HOGA1: variants seen among roughly 807,000 people sequenced by gnomAD.
HOGA1 encodes 4-hydroxy-2-oxoglutarate aldolase 1, also known as 4-hydroxy-2-oxoglutarate aldolase, mitochondrial.
HOGA1 carries 30 observed loss-of-function variants against 34.3 expected under a neutral mutation model. The ratio of observed to expected loss-of-function variants is 0.87; its 90% CI spans 0.65 to 1.19. The LOEUF (loss-of-function observed/expected upper bound fraction) is 1.19, where lower values mean the gene tolerates loss of function less well. Among genes scored for constraint, HOGA1 ranks in the 50% most tolerant of loss-of-function variants. The probability of loss-of-function intolerance (pLI) is 0.00; values close to 1 mark genes in which losing one functional copy is unlikely to be tolerated. For synonymous variants in HOGA1, 161 were observed against 174.0 expected, an observed-to-expected ratio of 0.93 and a Z score of 0.59; for missense variants, 417 against 436.5, an observed-to-expected ratio of 0.96 and a Z score of 0.40.
intron 6 of HOGA1, among the ~76,000 whole-genome samples, chr10:97,610,092 T>A (rs908831726): frequency 6.6e-6 from 1 of 152,240 alleles, no homozygotes; most frequent in African/African-American, 2.4e-5. Flanking sequence ...ATATTTCTGA[T>A]CAGCATGAAA....
intron 1 of HOGA1, 28 bp from the exon 2 acceptor site, chr10:97,598,747 A>G: frequency 6.2e-7 from 1 of 1,614,118 alleles, no homozygotes; most frequent in Middle Eastern, 1.6e-4. Flanking sequence ...GAGGATGGGA[A>G]GGAGTTAGTC....
intron 1 of HOGA1, among the ~76,000 whole-genome samples, chr10:97,591,288 A>G (rs918580694): frequency 1.3e-5 from 2 of 152,104 alleles, no homozygotes; most frequent in African/African-American, 4.8e-5. Context: ...GTGGCATCCT[A>G]CAAGGCAGTT....
In HOGA1 at chr10:97,585,347, C is replaced by T. The variant is rs572183181; in HGVS notation, c.211+433C>T. Among the ~76,000 whole-genome samples, 104 of 152,280 alleles carry T rather than the reference C, an allele frequency of 6.8e-4. 1 individual carries two copies. Among genetic ancestry groups the T allele is most frequent in the African/African-American group, 2.4e-3 (101 of 41,548 alleles). ...TTCTCTTCTGGACAAAGCCTCCTTGCCAGAATTAGTTCTCCTGTGACCCCT... is the reference window on the plus strand; with the variant it reads ...TTCTCTTCTGGACAAAGCCTCCTTGTCAGAATTAGTTCTCCTGTGACCCCT... On this transcript the variant is annotated intron_variant, in intron 1 of 6. Transcript: ENST00000370646.
At chr10:97,594,662 T>A (rs7072032) in intron 1 of HOGA1, among the ~76,000 whole-genome samples, 83,083 of 151,338 alleles carry the variant, frequency 0.55, 23,320 homozygotes, top group Non-Finnish European at 0.61. Flanking sequence ...CTAATTTTAA[T>A]TTTTTTTTAG....
At chr10:97,592,264 G>A (rs1165798306) in intron 1 of HOGA1, among the ~76,000 whole-genome samples, 4 of 132,822 alleles carry the variant, frequency 3.0e-5, no homozygotes, top group African/African-American at 5.5e-5. Flanking sequence ...TTTTTGAGAC[G>A]GAGTCTTGCT....
intron 1 of HOGA1, among the ~76,000 whole-genome samples, chr10:97,588,915 A>G (rs2040994266): frequency 6.6e-6 from 1 of 151,902 alleles, no homozygotes; most frequent in African/African-American, 2.4e-5. Context: ...GCCTGTTTAT[A>G]CCCTGAGAGG....
At chr10:97,588,445 G>A (rs972584512) in intron 1 of HOGA1, among the ~76,000 whole-genome samples, 10 of 151,804 alleles carry the variant, frequency 6.6e-5, no homozygotes, top group African/African-American at 2.4e-4. Context: ...TCCTGACCTC[G>A]TGATCGTCCG....
rs375893064 is a variant in HOGA1, at chr10:97,601,951, C to T, written c.795C>T (p.Ala265=). The T allele has an allele frequency of 1.2e-6, 2 of 1,612,958 alleles. No homozygotes were observed. Among genetic ancestry groups the T allele is most frequent in the African/African-American group, 2.7e-5 (2 of 74,902 alleles). The change falls in exon 6 of 7, where the codon GCC becomes GCT. Residue 265 remains alanine (A), a synonymous_variant. Transcript: ENST00000370646. ...RLCCTGQWED[A]QKLQHRLIEP... Reference sequence around the variant, plus strand: ...GCTGCACGGGGCAATGGGAAGATGCCCAGAAACTGCAGCACCGCCTCATTG... The same window carrying T: ...GCTGCACGGGGCAATGGGAAGATGCTCAGAAACTGCAGCACCGCCTCATTG...
At chr10:97,604,135 T>C (rs576698133) in intron 6 of HOGA1, among the ~76,000 whole-genome samples, 1 of 152,294 alleles carries the variant, frequency 6.6e-6, no homozygotes, top group Admixed American at 6.5e-5. Flanking sequence ...CATTCACCAT[T>C]TTATAATTTT....
chr10:97,611,741 G>A lies in HOGA1; in HGVS notation c.*82G>A. The A allele has an allele frequency of 6.6e-7, 1 of 1,503,798 alleles. No homozygotes were observed. Among genetic ancestry groups the A allele is most frequent in the Non-Finnish European group, 9.0e-7 (1 of 1,113,252 alleles). The allele number at this position is 1,503,798 out of a possible 1,614,324, so 93.2% of individuals were successfully genotyped here. On this transcript the variant is annotated 3_prime_UTR_variant, in exon 7 of 7. Transcript: ENST00000370646. ...GCAGCCTGAAGCGGAGAGCACAGGG[G>A]GATGAGGGTGGCAGGCAGCGGGGAG... is the stretch of plus-strand genomic sequence containing the variant.
intron 6 of HOGA1, chr10:97,602,260 G>T: frequency 7.0e-7 from 1 of 1,432,338 alleles, no homozygotes; most frequent in Non-Finnish European, 9.3e-7. Context: ...CCAAGAAGAT[G>T]CATTGAAACA....
In HOGA1 at chr10:97,584,467, A is replaced by G. The variant is rs2040949795; in HGVS notation, c.-237A>G. The G allele has an allele frequency of 5.8e-6, 3 of 519,764 alleles. No homozygotes were observed. The highest frequency in any genetic ancestry group is 1.0e-5 in the Non-Finnish European group (3 of 295,018). 32.2% of individuals were successfully genotyped at this position (519,764 alleles called of 1,614,324 possible). ...ACCAGTCCTATATCTGGCCAGAGGG[A>G]CACTGGGTTGTGGCATCTCTCTAGC... On this transcript the variant is annotated 5_prime_UTR_variant, in exon 1 of 7. Coordinates refer to ENST00000370646, the MANE Select transcript of HOGA1 (RefSeq NM_138413.4).
chr10:97,594,472 G>A (rs1043564686), intron 1 of HOGA1, among the ~76,000 whole-genome samples: 1 of 151,466 alleles, frequency 6.6e-6, no homozygotes, highest in Non-Finnish European at 1.5e-5. Context: ...CTCCTGCCTC[G>A]GCCTCCTGAG....
intron 1 of HOGA1, among the ~76,000 whole-genome samples, chr10:97,593,871 A>G (rs1400265825): frequency 6.6e-6 from 1 of 151,472 alleles, no homozygotes; most frequent in African/African-American, 2.4e-5. Context: ...ATGGCAGTCA[A>G]CTTGTTTTTT....
intron 5 of HOGA1, chr10:97,600,401 G>T: frequency 3.4e-6 from 2 of 581,026 alleles, no homozygotes; most frequent in East Asian, 5.9e-5. Flanking sequence ...CCTGTAGTAG[G>T]GATGCCTGCA....
At chr10:97,593,098 A>G (rs994628919) in intron 1 of HOGA1, among the ~76,000 whole-genome samples, 4 of 151,886 alleles carry the variant, frequency 2.6e-5, no homozygotes, top group Non-Finnish European at 4.4e-5. Flanking sequence ...AAGACAAAGA[A>G]GAGTAGTTAA....
intron 1 of HOGA1, among the ~76,000 whole-genome samples, chr10:97,586,446 C>T (rs980175660): frequency 6.6e-6 from 1 of 152,212 alleles, no homozygotes; most frequent in Non-Finnish European, 1.5e-5. Flanking sequence ...GGAATGTGCC[C>T]CTTCCTTGGG....
chr10:97,590,603 A>G, intron 1 of HOGA1: 2 of 1,593,280 alleles, frequency 1.3e-6, no homozygotes, highest in African/African-American at 1.3e-5. Flanking sequence ...CTAACCATGG[A>G]TGGAGACGCC....
At chr10:97,595,362 C>A (rs184099085) in intron 1 of HOGA1, among the ~76,000 whole-genome samples, 14 of 152,170 alleles carry the variant, frequency 9.2e-5, no homozygotes, top group African/African-American at 2.9e-4. Flanking sequence ...AGGTTCTATT[C>A]GAAGTACTTT....
Sources: gnomAD v4.1 joint callset for allele counts (sites outside exome capture counted in the v4.1 genomes callset) on GRCh38, gnomAD v4.1.1 for gene constraint, MANE v1.5 for transcripts, NCBI Gene and HGNC (gene_info 2026-07-23, HGNC 2026-07-21) for gene names.